Variants in LARGE1 observed in about 807,000 individuals in gnomAD.
LARGE1 encodes the protein LARGE xylosyl- and glucuronyltransferase 1.
A neutral mutation model predicts 87.6 loss-of-function variants in LARGE1; 43 were observed. The ratio of observed to expected loss-of-function variants is 0.49; its 90% CI spans 0.38 to 0.63. LARGE1 has a LOEUF of 0.63. Ranked by LOEUF, LARGE1 falls within the 30% of genes least tolerant of loss-of-function variation. The pLI is 0.00. For synonymous variants in LARGE1, 434 were observed against 394.6 expected (o/e 1.10, Z -1.18); for missense variants, 802 against 1,000.2 (o/e 0.80, Z 2.67).
intron 11 of LARGE1, among the ~76,000 whole-genome samples, chr22:33,174,982 T>C (rs1922784373): frequency 6.6e-6 from 1 of 152,194 alleles, no homozygotes; most frequent in Admixed American, 6.5e-5. Context: ...ACTCATTTTA[T>C]GAGGCCAACA....
intron 2 of LARGE1, among the ~76,000 whole-genome samples, chr22:33,723,382 C>T (rs1038076186): frequency 6.6e-6 from 1 of 152,090 alleles, no homozygotes; most frequent in Non-Finnish European, 1.5e-5. Context: ...AGAAACAGCT[C>T]CAGGATGTGG....
intron 6 of LARGE1, among the ~76,000 whole-genome samples, chr22:33,529,054 A>G (rs1351889458): frequency 1.3e-5 from 2 of 152,220 alleles, no homozygotes; most frequent in African/African-American, 4.8e-5. Context: ...TACACGTGGA[A>G]TAGCACTTTT....
intron 6 of LARGE1, among the ~76,000 whole-genome samples, chr22:33,552,283 CAAAG>C (rs2077547647): frequency 1.3e-5 from 2 of 152,240 alleles, no homozygotes; most frequent in African/African-American, 4.8e-5. Context: ...CTGATATTCT[CAAAG>C]AAATCCCAGA....
chr22:33,285,480 C>T (rs987015245), intron 12 of LARGE1, among the ~76,000 whole-genome samples: 81 of 151,996 alleles, frequency 5.3e-4, no homozygotes, highest in Middle Eastern at 3.4e-3. Context: ...AAAAATTAGC[C>T]GGGCGTGGTG....
At chr22:33,298,799 C>A (rs1933722904) in intron 12 of LARGE1, among the ~76,000 whole-genome samples, 1 of 151,698 alleles carries the variant, frequency 6.6e-6, no homozygotes, top group Non-Finnish European at 1.5e-5. Context: ...CCACTGCACT[C>A]CAGCCTGGGT....
At chr22:33,136,667 G>A in the LARGE1 span, among the ~76,000 whole-genome samples, 1 of 152,160 alleles carries the variant, frequency 6.6e-6, no homozygotes, top group African/African-American at 2.4e-5. Context: ...AAGCATGGGG[G>A]ATTTAATATA....
chr22:33,143,740 G>A, the LARGE1 span, among the ~76,000 whole-genome samples: 7 of 152,040 alleles, frequency 4.6e-5, no homozygotes, highest in Admixed American at 3.3e-4. Flanking sequence ...CAAATCTAGC[G>A]ACCAAGACTC....
chr22:33,359,314 A>C (rs542748714), intron 9 of LARGE1, among the ~76,000 whole-genome samples: 1 of 152,306 alleles, frequency 6.6e-6, no homozygotes, highest in South Asian at 2.1e-4. Flanking sequence ...GGGCAAGAAA[A>C]GTGACTTAAC....
intron 7 of LARGE1, among the ~76,000 whole-genome samples, chr22:33,389,125 A>G (rs5998904): frequency 0.47 from 70,794 of 152,118 alleles, 21,276 homozygotes; most frequent in African/African-American, 0.86. Flanking sequence ...ACAAAGGCAC[A>G]GAGGCAGGAG....
chr22:33,726,923 T>C (rs1247160000), intron 2 of LARGE1, among the ~76,000 whole-genome samples: 3 of 152,156 alleles, frequency 2.0e-5, no homozygotes, highest in Non-Finnish European at 2.9e-5. Flanking sequence ...TAGAAATCAT[T>C]ACCTACTAAA....
chr22:33,327,378 G>A (rs535238553), intron 10 of LARGE1, among the ~76,000 whole-genome samples: 59 of 152,244 alleles, frequency 3.9e-4, no homozygotes, highest in African/African-American at 1.2e-3. Context: ...TTGAGAGAGC[G>A]GGTATCCAAG....
chr22:33,357,608 A>C (rs1941014158), intron 9 of LARGE1, among the ~76,000 whole-genome samples: 1 of 152,078 alleles, frequency 6.6e-6, no homozygotes, highest in Non-Finnish European at 1.5e-5. Flanking sequence ...CAGCCTGACC[A>C]ACATGGAGAA....
At chr22:33,921,043 G>C (rs978778079), upstream of LARGE1, among the ~76,000 whole-genome samples, 2 of 150,292 alleles carry the variant, frequency 1.3e-5, no homozygotes, top group Non-Finnish European at 3.0e-5. This position sits in a 1 kb window ranked among gnomAD's most constrained non-coding sequence, Gnocchi z 4.1. Flanking sequence ...AGCCGGGGGG[G>C]ACCGCGAGCC....
intron 12 of LARGE1, among the ~76,000 whole-genome samples, chr22:33,299,115 A>G (rs2146090737): frequency 6.6e-6 from 1 of 152,148 alleles, no homozygotes; most frequent in East Asian, 1.9e-4. Flanking sequence ...GGGAGACTAA[A>G]GTGGGAGCAT....
chr22:33,400,728 AG>A lies in LARGE1; in HGVS notation c.893-16425del, dbSNP rs141530767. ...TTTCTGCAACTTCCAGCTTAAACAA[AG>A]TGAGTCTGCATGGAAGGGCACAACT... is the stretch of plus-strand genomic sequence containing the variant. On this transcript the variant is annotated intron_variant, in intron 7 of 14. Transcript: ENST00000397394. Among the ~76,000 whole-genome samples, 614 of 152,316 alleles carry A rather than the reference AG, an allele frequency of 4.0e-3. 4 individuals carry two copies. Among genetic ancestry groups the A allele is most frequent in the African/African-American group, 0.014 (593 of 41,576 alleles).
intron 1 of LARGE1, among the ~76,000 whole-genome samples, chr22:33,851,488 A>G (rs2063581744): frequency 6.6e-6 from 1 of 152,216 alleles, no homozygotes; most frequent in Admixed American, 6.5e-5. Flanking sequence ...TCTATTCAAT[A>G]CCATTCAGCT....
intron 11 of LARGE1, among the ~76,000 whole-genome samples, chr22:33,171,283 T>C (rs1026433613): frequency 2.6e-5 from 4 of 152,190 alleles, no homozygotes; most frequent in Admixed American, 6.5e-5. Flanking sequence ...AAGTAGAGCA[T>C]AAAGGTTTGG....
intron 1 of LARGE1, among the ~76,000 whole-genome samples, chr22:33,814,684 C>T (rs1370123651): frequency 6.6e-6 from 1 of 151,860 alleles, no homozygotes; most frequent in African/African-American, 2.4e-5. Flanking sequence ...TTGGACTTAG[C>T]CCTACGATCA....
the LARGE1 span, among the ~76,000 whole-genome samples, chr22:33,075,410 G>T: frequency 1.3e-5 from 2 of 152,190 alleles, no homozygotes; most frequent in African/African-American, 2.4e-5. Flanking sequence ...TTCCTTAGGT[G>T]AATCAGTCAC....
Sources: gnomAD v4.1 joint callset for allele counts (sites outside exome capture counted in the v4.1 genomes callset) on GRCh38, gnomAD v4.1.1 for gene constraint, Gnocchi (gnomAD v3.1) non-coding constraint, MANE v1.5 for transcripts, NCBI Gene and HGNC (gene_info 2026-07-23, HGNC 2026-07-21) for gene names.